Variants in IGF1R observed in about 807,000 individuals in gnomAD.
IGF1R encodes the protein insulin-like growth factor 1 receptor.
In IGF1R, 44 loss-of-function variants were observed where a neutral mutation model predicts 144.6. The ratio of observed to expected loss-of-function variants is 0.30; its 90% CI spans 0.24 to 0.39. The LOEUF is 0.39. Among genes scored for constraint, IGF1R ranks in the 10% least tolerant of loss-of-function variants. The pLI, the probability that IGF1R is intolerant of heterozygous loss-of-function variation, is 1.00. For missense variants in IGF1R, 1,355 were observed against 1,833.7 expected, an observed-to-expected ratio of 0.74 and a Z score of 4.77; for synonymous variants, 795 against 722.8, an observed-to-expected ratio of 1.10 and a Z score of -1.60.
chr15:98,785,757 C>G (rs1296112525), intron 2 of IGF1R, among the ~76,000 whole-genome samples: 2 of 152,046 alleles, frequency 1.3e-5, no homozygotes, highest in Non-Finnish European at 2.9e-5. Flanking sequence ...CCTTGGAGCT[C>G]AGGAAGTGAT....
intron 2 of IGF1R, among the ~76,000 whole-genome samples, chr15:98,718,961 A>G (rs1365872789): frequency 6.6e-6 from 1 of 151,894 alleles, no homozygotes; most frequent in Non-Finnish European, 1.5e-5. Context: ...GTAACCTAGT[A>G]CAACGTTTCC....
intron 2 of IGF1R, among the ~76,000 whole-genome samples, chr15:98,831,560 A>T (rs578239020): frequency 6.6e-6 from 1 of 152,076 alleles, no homozygotes; most frequent in Admixed American, 6.6e-5. Flanking sequence ...TCATGCCAAC[A>T]CTCCTAAAAC....
chr15:98,800,597 G>A (rs1391775315), intron 2 of IGF1R, among the ~76,000 whole-genome samples: 3 of 152,174 alleles, frequency 2.0e-5, no homozygotes, highest in African/African-American at 7.2e-5. Flanking sequence ...CGTTAGAACC[G>A]CCACTGAACA....
chr15:98,946,006 T>TGATGATGAC (rs1349226119), intron 19 of IGF1R, among the ~76,000 whole-genome samples: 59 of 151,796 alleles, frequency 3.9e-4, no homozygotes, highest in Admixed American at 2.6e-3. Flanking sequence ...GCGGGGATGA[T>TGATGATGAC]GATGATGACG....
At position 98,878,693 on chromosome 15, in the gene IGF1R, A is replaced by AAAC. The variant is rs1325197629; in HGVS notation, c.641-12623_641-12621dup. ...AAAAAAAAAAAAAAAAAAAAAAAAA[A>AAAC]AACAACAACAAAAAAAAGGCCAGGC... On this transcript the variant is annotated intron_variant, in intron 2 of 20. Transcript: ENST00000650285. Among the ~76,000 whole-genome samples, 381 of 126,014 alleles carry AAAC rather than the reference A, an allele frequency of 3.0e-3. 2 individuals are homozygous for AAAC. The highest frequency in any genetic ancestry group is 9.3e-3 in the African/African-American group (257 of 27,732). The allele number at this position is 126,014 out of a possible 152,430, so 82.7% of individuals were successfully genotyped here. A position where few individuals can be genotyped will look rare whatever the true frequency, so the allele number is the denominator to read the frequency against.
At chr15:98,812,297 C>A (rs1473633768) in intron 2 of IGF1R, among the ~76,000 whole-genome samples, 1 of 151,670 alleles carries the variant, frequency 6.6e-6, no homozygotes, top group African/African-American at 2.4e-5. Context: ...TTCTTGTGCC[C>A]TTCCAGCTGT....
chr15:98,908,937 T>A, intron 6 of IGF1R, 38 bp downstream of exon 6: 1 of 1,568,776 alleles, frequency 6.4e-7, no homozygotes, highest in Non-Finnish European at 8.7e-7. Context: ...GGCCCAACCA[T>A]CATGATAACA....
In IGF1R at chr15:98,948,613, C is replaced by T. The variant is rs761178334; in HGVS notation, c.3627C>T (p.Ala1209=). Residue 1209 remains alanine (A), a synonymous_variant, in exon 20 of 21, where the codon GCC becomes GCT. Coordinates refer to ENST00000650285, the MANE Select transcript of IGF1R (RefSeq NM_000875.5). ...GVVLWEIATL[A]EQPYQGLSNE... is the part of the protein sequence containing the mutation. ...TCCTCTGGGAGATCGCCACACTGGC[C>T]GAGCAGCCCTACCAGGGCTTGTCCA... 1.2e-5 allele frequency: 19 copies of T among 1,614,010 alleles called. No individual in the cohort carries two copies. Among genetic ancestry groups the T allele is most frequent in the East Asian group, 4.5e-5 (2 of 44,890 alleles).
At chr15:98,674,510 A>G (rs970055532) in intron 1 of IGF1R, among the ~76,000 whole-genome samples, 4 of 152,154 alleles carry the variant, frequency 2.6e-5, no homozygotes, top group Non-Finnish European at 4.4e-5. Flanking sequence ...TCATTGATTC[A>G]GCAATCACGT....
At chr15:98,797,666 T>G (rs1311997884) in intron 2 of IGF1R, among the ~76,000 whole-genome samples, 1 of 152,140 alleles carries the variant, frequency 6.6e-6, no homozygotes, top group African/African-American at 2.4e-5. Flanking sequence ...TGCTTTTAGT[T>G]TTTAAAGAAT....
Position 98,851,485 on chromosome 15 carries a change from C to G in IGF1R, c.641-39840C>G, listed in dbSNP as rs182538962. On this transcript the variant is annotated intron_variant, in intron 2 of 20. Transcript: ENST00000650285. The stretch of plus-strand genomic sequence containing the variant: ...CCTCCTGTGTCCAGCCTCCCCCTCC[C>G]CGTGGCCTTCTCCTACCTTCCCAGT... Among the ~76,000 whole-genome samples the G allele has an allele frequency of 3.1e-3, 467 of 152,292 alleles. 12 individuals carry two copies. The highest frequency in any genetic ancestry group is 5.8e-3 in the South Asian group (28 of 4,828).
chr15:98,847,272 G>T (rs957979401), intron 2 of IGF1R, among the ~76,000 whole-genome samples: 1 of 152,076 alleles, frequency 6.6e-6, no homozygotes, highest in Non-Finnish European at 1.5e-5. Context: ...CACCTTGCCC[G>T]GCTACCGGAC....
chr15:98,855,790 G>A (rs2011777934), intron 2 of IGF1R, among the ~76,000 whole-genome samples: 2 of 152,252 alleles, frequency 1.3e-5, no homozygotes, highest in South Asian at 4.1e-4. Flanking sequence ...TGTCTGACCA[G>A]TACTTGGAGC....
At chr15:98,694,037 C>T (rs958650300) in intron 1 of IGF1R, among the ~76,000 whole-genome samples, 1 of 152,244 alleles carries the variant, frequency 6.6e-6, no homozygotes, top group African/African-American at 2.4e-5. Flanking sequence ...GCACCTGCCT[C>T]GTTTCTGGTG....
At chr15:98,754,808 G>C (rs539902501) in intron 2 of IGF1R, among the ~76,000 whole-genome samples, 4 of 152,322 alleles carry the variant, frequency 2.6e-5, no homozygotes, top group Non-Finnish European at 5.9e-5. Flanking sequence ...TTTTACAGAT[G>C]AAGGAACAGA....
chr15:98,892,170 C>G (rs557234540), intron 3 of IGF1R, among the ~76,000 whole-genome samples: 96 of 152,296 alleles, frequency 6.3e-4, no homozygotes, highest in Admixed American at 1.9e-3. Flanking sequence ...CTTCCTTCCT[C>G]TCATCCCCCT....
At chr15:98,687,257 T>TA (rs747620203) in intron 1 of IGF1R, among the ~76,000 whole-genome samples, 3 of 152,086 alleles carry the variant, frequency 2.0e-5, no homozygotes, top group Non-Finnish European at 4.4e-5. Context: ...TGCCTAAACT[T>TA]AAGAGAAATG....
At chr15:98,649,699 G>A (rs745977772) in intron 1 of IGF1R, 24 bp downstream of exon 1, 2 of 1,558,256 alleles carry the variant, frequency 1.3e-6, no homozygotes, top group Non-Finnish European at 8.8e-7. Flanking sequence ...CGCCGCCCGC[G>A]GCCACTGCGG....
At chr15:98,746,010 T>C (rs1268876488) in intron 2 of IGF1R, among the ~76,000 whole-genome samples, 2 of 152,200 alleles carry the variant, frequency 1.3e-5, no homozygotes, top group South Asian at 2.1e-4. Flanking sequence ...TACACTAAGA[T>C]ATATGCACAA....
Sources: allele counts gnomAD v4.1 joint callset (sites outside exome capture counted in the v4.1 genomes callset), GRCh38; gene constraint gnomAD v4.1.1; transcripts MANE v1.5; gene names NCBI Gene and HGNC (gene_info 2026-07-23, HGNC 2026-07-21).